The following AJAP1 variants were observed in gnomAD, a reference collection of about 807,000 sequenced individuals.
AJAP1 encodes the protein adherens junctions associated protein 1, also known as adherens junction-associated protein 1.
Under a neutral mutation model 35.0 loss-of-function variants are expected in AJAP1, and 5 were observed. The ratio of observed to expected loss-of-function variants is 0.14; its 90% CI spans 0.07 to 0.30. AJAP1 has a LOEUF of 0.30. Ranked by LOEUF, AJAP1 falls within the 10% of genes least tolerant of loss-of-function variation. AJAP1 has a pLI of 1.00. For missense variants in AJAP1, 586 were observed against 571.0 expected (o/e 1.03, Z -0.27); for synonymous variants, 284 against 249.3 (o/e 1.14, Z -1.31).
chr1:4,770,945 G>C (rs145540130), intron 3 of AJAP1, among the ~76,000 whole-genome samples: 1,578 of 152,052 alleles, frequency 0.01, 16 homozygotes, highest in African/African-American at 0.035. Context: ...AGAACAACAC[G>C]GAGCTCACAG....
intron 1 of AJAP1, among the ~76,000 whole-genome samples, chr1:4,697,543 C>T (rs894223728): frequency 6.6e-6 from 1 of 152,250 alleles, no homozygotes; most frequent in Non-Finnish European, 1.5e-5. Context: ...TTCTGAGTGA[C>T]CATGGCTGGA....
intron 2 of AJAP1, among the ~76,000 whole-genome samples, chr1:4,728,938 G>A (rs942445844): frequency 2.6e-5 from 4 of 152,170 alleles, no homozygotes; most frequent in Non-Finnish European, 5.9e-5. Flanking sequence ...CCTGGGCCCA[G>A]CTGCCAGACC....
intron 1 of AJAP1, among the ~76,000 whole-genome samples, chr1:4,664,422 G>T (rs1055460234): frequency 1.3e-5 from 2 of 152,150 alleles, no homozygotes; most frequent in Admixed American, 6.5e-5. Context: ...AGCTTCAAGC[G>T]TTCTGAGCCT....
At chr1:4,738,319 G>A (rs1469799812) in intron 2 of AJAP1, among the ~76,000 whole-genome samples, 1 of 152,224 alleles carries the variant, frequency 6.6e-6, no homozygotes, top group African/African-American at 2.4e-5. Context: ...CAACCATGTT[G>A]AGCAGACTGA....
rs762269662 is a variant in AJAP1, at chr1:4,772,505, A to G, written c.1143A>G (p.Lys381=). 1.3e-5 allele frequency: 21 copies of G among 1,613,966 alleles called. No individual in the cohort carries two copies. In the South Asian group the frequency reaches 2.3e-4, roughly 18 times the overall value. Residue 381 remains lysine, a synonymous_variant, in exon 4 of 6, where the codon AAA becomes AAG. Transcript: ENST00000378191. ...ETLHSTTGEY[K]STFNGNRPSS... is the part of the protein sequence containing the mutation. ...TGCACTCGACGACGGGGGAGTACAA[A>G]TCCACATTTAATGGAAACCGGTAAG...
rs1009473678 is a variant in AJAP1, at chr1:4,656,120, C to T, written c.29+666C>T. 2.0e-5 allele frequency among the ~76,000 whole-genome samples: 3 copies of T among 151,502 alleles called. No homozygotes were observed. The highest frequency in any genetic ancestry group is 7.3e-5 in the African/African-American group (3 of 41,224). On this transcript the variant is annotated intron_variant, in intron 1 of 5. Coordinates refer to ENST00000378191, the MANE Select transcript of AJAP1 (RefSeq NM_018836.4). The surrounding 1 kb of genome is among the most constrained non-coding windows in gnomAD (Gnocchi z 5.7). The stretch of plus-strand genomic sequence containing the variant: ...CCACCCCGCTGTAAACACACACGCA[C>T]ATACGCCCGCCGGCGCGCCCGGGGC...
intron 2 of AJAP1, among the ~76,000 whole-genome samples, chr1:4,741,565 T>G (rs1641069670): frequency 6.6e-6 from 1 of 152,204 alleles, no homozygotes; most frequent in Admixed American, 6.5e-5. Context: ...AGGTTCTGGG[T>G]AGACATGAAC....
chr1:4,745,166 C>G (rs772654607), intron 2 of AJAP1, among the ~76,000 whole-genome samples: 2 of 152,204 alleles, frequency 1.3e-5, no homozygotes, highest in African/African-American at 4.8e-5. Flanking sequence ...TAACAATGTG[C>G]AATGATAACA....
intron 1 of AJAP1, among the ~76,000 whole-genome samples, chr1:4,688,264 C>T (rs1639653944): frequency 6.6e-6 from 1 of 152,128 alleles, no homozygotes; most frequent in Non-Finnish European, 1.5e-5. Context: ...GGGACATGTA[C>T]TCACTGTGAC....
intron 2 of AJAP1, among the ~76,000 whole-genome samples, chr1:4,731,978 A>G (rs2100300025): frequency 6.6e-6 from 1 of 152,272 alleles, no homozygotes; most frequent in East Asian, 1.9e-4. Context: ...CCTTCCCGAT[A>G]AAGGCAGCAG....
At chr1:4,670,465 ACAT>A (rs1314607171) in intron 1 of AJAP1, among the ~76,000 whole-genome samples, 1 of 152,174 alleles carries the variant, frequency 6.6e-6, no homozygotes, top group Admixed American at 6.5e-5. Context: ...TTTTAGTATG[ACAT>A]CAGCCCTGAC....
chr1:4,716,805 A>G (rs1570149986), intron 2 of AJAP1, among the ~76,000 whole-genome samples: 1 of 152,166 alleles, frequency 6.6e-6, no homozygotes, highest in Non-Finnish European at 1.5e-5. Context: ...GATGATGGTT[A>G]CCATTGTGCT....
chr1:4,665,027 T>A (rs1179748099), intron 1 of AJAP1, among the ~76,000 whole-genome samples: 1 of 152,028 alleles, frequency 6.6e-6, no homozygotes, highest in Non-Finnish European at 1.5e-5. Flanking sequence ...AGGATTGTGC[T>A]CTCTGGCTTG....
intron 1 of AJAP1, among the ~76,000 whole-genome samples, chr1:4,679,856 G>C (rs1385119739): frequency 7.8e-6 from 1 of 127,642 alleles, no homozygotes; most frequent in African/African-American, 2.9e-5. Context: ...TGTGTGTAGA[G>C]AGAGATACTT....
intron 2 of AJAP1, among the ~76,000 whole-genome samples, chr1:4,748,787 G>A: frequency 6.6e-6 from 1 of 150,646 alleles, no homozygotes; most frequent in African/African-American, 2.4e-5. Context: ...ATGGAACCAG[G>A]GCTCTTACAA....
At chr1:4,749,501 T>C (rs1257314537) in intron 2 of AJAP1, among the ~76,000 whole-genome samples, 1 of 152,208 alleles carries the variant, frequency 6.6e-6, no homozygotes, top group African/African-American at 2.4e-5. Context: ...TATATGCCTC[T>C]GTCTTCTCCA....
At chr1:4,667,895 G>A (rs1639167357) in intron 1 of AJAP1, among the ~76,000 whole-genome samples, 1 of 152,208 alleles carries the variant, frequency 6.6e-6, no homozygotes, top group Non-Finnish European at 1.5e-5. Flanking sequence ...GACGTTTGGG[G>A]AAGTTGGATT....
At chr1:4,690,235 C>G (rs1028200442) in intron 1 of AJAP1, among the ~76,000 whole-genome samples, 13 of 152,220 alleles carry the variant, frequency 8.5e-5, no homozygotes, top group African/African-American at 3.1e-4. Flanking sequence ...CCTCTGAAGT[C>G]AGTCCGCTCC....
At chr1:4,769,458 G>A (rs913399140) in intron 2 of AJAP1, among the ~76,000 whole-genome samples, 1 of 152,210 alleles carries the variant, frequency 6.6e-6, no homozygotes, top group African/African-American at 2.4e-5. Context: ...GGCCCAGGGT[G>A]TGAGGGGAGA....
Sources: allele counts gnomAD v4.1 joint callset (sites outside exome capture counted in the v4.1 genomes callset), GRCh38; gene constraint gnomAD v4.1.1; non-coding constraint Gnocchi (gnomAD v3.1); transcripts MANE v1.5; gene names NCBI Gene and HGNC (gene_info 2026-07-23, HGNC 2026-07-21).